CCDC33: variants seen among roughly 807,000 people sequenced by gnomAD.
The protein encoded by CCDC33 is coiled-coil domain containing 33, also known as coiled-coil domain-containing protein 33.
Under a neutral mutation model 91.9 loss-of-function variants are expected in CCDC33, and 94 were observed. The observed-to-expected ratio is 1.02, with a 90% CI of 0.87 to 1.21. The LOEUF is 1.21. Ranked by LOEUF, CCDC33 falls within the 50% of genes most tolerant of loss-of-function variation. The pLI is 0.00. For synonymous variants in CCDC33, 396 were observed against 374.5 expected (o/e 1.06, Z -0.66); for missense variants, 940 against 935.5 (o/e 1.00, Z -0.06).
chr15:74,237,747 T>C (rs1167514688), intron 1 of CCDC33, among the ~76,000 whole-genome samples: 1 of 152,130 alleles, frequency 6.6e-6, no homozygotes, highest in Non-Finnish European at 1.5e-5. Flanking sequence ...AGAGCTGGAT[T>C]TGGGGATCTG....
intron 10 of CCDC33, among the ~76,000 whole-genome samples, chr15:74,291,228 G>A (rs938565438): frequency 3.9e-5 from 6 of 152,244 alleles, no homozygotes; most frequent in East Asian, 1.9e-4. Context: ...CCCTCTTGGA[G>A]GGGCCTGTTG....
intron 11 of CCDC33, among the ~76,000 whole-genome samples, chr15:74,328,029 C>T (rs1306937135): frequency 2.0e-5 from 3 of 152,118 alleles, no homozygotes; most frequent in Admixed American, 6.5e-5. Flanking sequence ...GTGCGTGTTT[C>T]GCTGGAAGCC....
At chr15:74,237,166 G>A (rs1247684429) in intron 1 of CCDC33, among the ~76,000 whole-genome samples, 1 of 152,236 alleles carries the variant, frequency 6.6e-6, no homozygotes. Context: ...TGGGGCCTAG[G>A]CCCCTGTCCT....
At chr15:74,231,888 C>A (rs530293425), upstream of CCDC33, among the ~76,000 whole-genome samples, 7 of 152,240 alleles carry the variant, frequency 4.6e-5, no homozygotes, top group South Asian at 1.5e-3. Flanking sequence ...TGGTGGCATG[C>A]CTATAATCCC....
At chr15:74,314,834 C>T (rs2060060197) in intron 11 of CCDC33, among the ~76,000 whole-genome samples, 1 of 152,236 alleles carries the variant, frequency 6.6e-6, no homozygotes, top group African/African-American at 2.4e-5. Context: ...GGCATCTCTG[C>T]TCTCACATGG....
chr15:74,314,661 C>A (rs1161906926), intron 11 of CCDC33, among the ~76,000 whole-genome samples: 1 of 152,200 alleles, frequency 6.6e-6, no homozygotes, highest in Non-Finnish European at 1.5e-5. Context: ...TTCCTGCAGA[C>A]AGCTCCAAGC....
At chr15:74,318,607 C>G (rs754561223) in intron 11 of CCDC33, 1 of 742,378 alleles carries the variant, frequency 1.3e-6, no homozygotes, top group East Asian at 2.6e-5. Flanking sequence ...AGCCAGGGCC[C>G]CCATCCCCTC....
intron 1 of CCDC33, among the ~76,000 whole-genome samples, chr15:74,238,915 T>A (rs2075262839): frequency 6.6e-6 from 1 of 152,314 alleles, no homozygotes; most frequent in Middle Eastern, 3.4e-3. Context: ...CTGTGTGCTT[T>A]CATACAAGAG....
intron 11 of CCDC33, among the ~76,000 whole-genome samples, chr15:74,326,236 G>A (rs1478265474): frequency 6.6e-6 from 1 of 152,202 alleles, no homozygotes; most frequent in African/African-American, 2.4e-5. Context: ...GAGTCAGGAG[G>A]ACCACTTGAG....
At chr15:74,207,285 C>T (rs570860149) in intron 1 of CCDC33, among the ~76,000 whole-genome samples, 4 of 152,280 alleles carry the variant, frequency 2.6e-5, no homozygotes, top group South Asian at 4.1e-4. Context: ...AACATCCCCT[C>T]AAGGACTCCC....
At chr15:74,215,094 G>C (rs546305007), upstream of CCDC33, among the ~76,000 whole-genome samples, 8 of 152,122 alleles carry the variant, frequency 5.3e-5, no homozygotes, top group Non-Finnish European at 1.2e-4. Context: ...TCACTAACCC[G>C]GGTCACAGGG....
At chr15:74,336,194 C>T (rs1481567202), downstream of CCDC33, 1 of 1,449,862 alleles carries the variant, frequency 6.9e-7, no homozygotes, top group Non-Finnish European at 9.1e-7. Flanking sequence ...CTTCCTCCTC[C>T]TAGACCTCAC....
intron 3 of CCDC33, among the ~76,000 whole-genome samples, chr15:74,265,133 A>ATCCAAATGACCCATCCAGT (rs774667029): frequency 2.6e-5 from 4 of 152,124 alleles, no homozygotes; most frequent in Non-Finnish European, 1.5e-5. Context: ...CCACCCCAAC[A>ATCCAAATGACCCATCCAGT]TCCAAATGAC....
At chr15:74,295,354 G>A (rs1408281982) in intron 10 of CCDC33, among the ~76,000 whole-genome samples, 1 of 152,184 alleles carries the variant, frequency 6.6e-6, no homozygotes, top group Admixed American at 6.5e-5. Context: ...AGTAAAATGG[G>A]ATAAATGAAT....
In CCDC33 at chr15:74,280,669, GA is replaced by G; in HGVS notation, c.894del (p.Gly299AlafsTer18). 1 of 1,480,836 alleles carries G rather than the reference GA, an allele frequency of 6.8e-7. No homozygotes were observed. Among genetic ancestry groups the G allele is most frequent in the African/African-American group, 1.4e-5 (1 of 69,394 alleles). The allele number at this position is 1,480,836 out of a possible 1,614,324, so 91.7% of individuals were successfully genotyped here. ...VLEYYSSTSMKGSQPWTLNQP... is the reference protein window; with the variant it reads ...VLEYYSSTSMXGSQPWTLNQP... Reference sequence around the variant, plus strand: ...CCCTAGTTGATCCTTCCCCCACAGTGAAAGGCAGCCAGCCGTGGACCCTCAA... The same window carrying G: ...CCCTAGTTGATCCTTCCCCCACAGTGAAGGCAGCCAGCCGTGGACCCTCAA... On this transcript the variant is annotated frameshift_variant and splice_region_variant, in exon 9 of 19. Transcript: ENST00000398814. LOFTEE classifies it high-confidence loss of function.
chr15:74,236,402 T>C lies in CCDC33; in HGVS notation c.-318T>C. On this transcript the variant is annotated 5_prime_UTR_variant, in exon 1 of 19. Transcript: ENST00000398814. ...CCGTCCTAGGTGTGCCAAGAGTCAA[T>C]TGCCTCATTGCTGACCCTGTCCAGC... The C allele has an allele frequency of 2.7e-6, 1 of 366,724 alleles. No individual in the cohort carries two copies. The allele number at this position is 366,724 out of a possible 1,614,324, so 22.7% of individuals were successfully genotyped here.
chr15:74,280,274 G>A (rs554269697), intron 8 of CCDC33, among the ~76,000 whole-genome samples, 182 bp downstream of exon 8: 2 of 152,170 alleles, frequency 1.3e-5, no homozygotes, highest in Non-Finnish European at 2.9e-5. Context: ...GCCAGGACAC[G>A]TGGGCCTGTC....
At chr15:74,334,596 AGGTTAGGGTTCTGTGTATGACCAG>A (rs1298029186) in intron 17 of CCDC33, among the ~76,000 whole-genome samples, 7 of 133,374 alleles carry the variant, frequency 5.2e-5, no homozygotes, top group Admixed American at 3.6e-4. Flanking sequence ...GTGTACAACG[AGGTTAGGGTTCTGTGTATGACCAG>A]GGTTAGGGTT....
At chr15:74,223,916 AGGGGG>A (rs948222905) in intron 2 of CCDC33, among the ~76,000 whole-genome samples, 1 of 152,154 alleles carries the variant, frequency 6.6e-6, no homozygotes, top group Non-Finnish European at 1.5e-5. Context: ...CCCCTTGAGT[AGGGGG>A]TGGGAAGGGG....
Sources: allele counts gnomAD v4.1 joint callset (sites outside exome capture counted in the v4.1 genomes callset), GRCh38; gene constraint gnomAD v4.1.1; transcripts MANE v1.5; gene names NCBI Gene and HGNC (gene_info 2026-07-23, HGNC 2026-07-21).